PTPRD: variants seen among roughly 807,000 people sequenced by gnomAD.
The protein encoded by PTPRD is receptor-type tyrosine-protein phosphatase delta.
PTPRD carries 34 observed loss-of-function variants against 214.5 expected under a neutral mutation model. That is an observed-to-expected ratio of 0.16 (90% CI 0.12 to 0.21). The LOEUF (loss-of-function observed/expected upper bound fraction) is 0.21, where lower values mean the gene tolerates loss of function less well. PTPRD is among the 10% of genes least tolerant of loss of function. The pLI is 1.00. For synonymous variants in PTPRD, 1,128 were observed against 845.7 expected (o/e 1.33, Z -5.79); for missense variants, 2,545 against 2,398.7 (o/e 1.06, Z -1.27).
intron 7 of PTPRD, among the ~76,000 whole-genome samples, chr9:9,605,746 A>T (rs1196196471): frequency 1.3e-5 from 2 of 152,032 alleles, no homozygotes; most frequent in Non-Finnish European, 2.9e-5. Context: ...CTCCTTTAAA[A>T]TTTTCAGTTG....
At position 8,504,948 on chromosome 9, in the gene PTPRD, T is replaced by A. The variant is rs181811932; in HGVS notation, c.1678-543A>T. Among the ~76,000 whole-genome samples, 31 of 152,318 alleles carry A rather than the reference T, an allele frequency of 2.0e-4. No homozygotes were observed. The East Asian group carries it at 4.1e-3, about 20-fold the overall frequency. On this transcript the variant is annotated intron_variant, in intron 22 of 45. Coordinates refer to ENST00000381196, the MANE Select transcript of PTPRD (RefSeq NM_002839.4). ...TAAAAGAGATTTGAAATTGCCAAGT[T>A]TTAATGGGTAAAATATCACGTTAGT... is the stretch of plus-strand genomic sequence containing the variant.
intron 5 of PTPRD, among the ~76,000 whole-genome samples, chr9:9,935,650 C>T (rs991194760): frequency 6.8e-6 from 1 of 148,132 alleles, no homozygotes; most frequent in African/African-American, 2.6e-5. Flanking sequence ...GGCCATACTG[C>T]CCAAGGTAAT....
At chr9:8,792,606 A>G (rs2096272274) in intron 11 of PTPRD, among the ~76,000 whole-genome samples, 1 of 152,214 alleles carries the variant, frequency 6.6e-6, no homozygotes, top group African/African-American at 2.4e-5. Flanking sequence ...AGCTGAGAAG[A>G]GGGGCTTGTC....
intron 14 of PTPRD, among the ~76,000 whole-genome samples, chr9:8,566,122 G>GTGTGTGTC (rs1279186797): frequency 4.0e-5 from 6 of 151,498 alleles, no homozygotes; most frequent in South Asian, 2.1e-4. Flanking sequence ...GTGTGTGTGT[G>GTGTGTGTC]TGTGTGTGTG....
intron 9 of PTPRD, among the ~76,000 whole-genome samples, chr9:9,379,922 T>G (rs1596700833): frequency 6.6e-6 from 1 of 151,946 alleles, no homozygotes; most frequent in East Asian, 1.9e-4. Context: ...GTTCTAGGAG[T>G]TTTTTGATTC....
intron 3 of PTPRD, among the ~76,000 whole-genome samples, chr9:10,167,669 C>A (rs963595900): frequency 3.9e-5 from 6 of 152,162 alleles, no homozygotes; most frequent in African/African-American, 1.4e-4. Context: ...TCTTAGCATA[C>A]TTCCAAAGCC....
At chr9:10,251,312 T>C (rs1246870247) in intron 3 of PTPRD, among the ~76,000 whole-genome samples, 1 of 152,114 alleles carries the variant, frequency 6.6e-6, no homozygotes, top group African/African-American at 2.4e-5. Context: ...CATGAATCTC[T>C]ACCTTTCACA....
chr9:9,546,184 A>C (rs934315541), intron 8 of PTPRD, among the ~76,000 whole-genome samples: 1 of 151,648 alleles, frequency 6.6e-6, no homozygotes, highest in African/African-American at 2.4e-5. Context: ...CATTAATCTT[A>C]GATCCTGAAG....
chr9:8,934,918 C>A (rs746465093), intron 11 of PTPRD, among the ~76,000 whole-genome samples: 2 of 151,972 alleles, frequency 1.3e-5, no homozygotes, highest in Non-Finnish European at 2.9e-5. Flanking sequence ...CCAGTTTCAT[C>A]CATGTAGTCA....
At chr9:10,175,183 C>A (rs2099239885) in intron 3 of PTPRD, among the ~76,000 whole-genome samples, 1 of 152,076 alleles carries the variant, frequency 6.6e-6, no homozygotes, top group African/African-American at 2.4e-5. Flanking sequence ...TGCAATAGTA[C>A]TGCTACTTAC....
intron 8 of PTPRD, among the ~76,000 whole-genome samples, chr9:9,567,228 G>C (rs2084846716): frequency 6.6e-6 from 1 of 151,760 alleles, no homozygotes; most frequent in Non-Finnish European, 1.5e-5. Context: ...TTGGTCAAAG[G>C]AAAAATGCAG....
intron 39 of PTPRD, among the ~76,000 whole-genome samples, chr9:8,368,063 C>T (rs1417929875): frequency 2.0e-5 from 3 of 152,096 alleles, no homozygotes; most frequent in East Asian, 1.9e-4. Flanking sequence ...AATGCTGGCC[C>T]CTAAGAGCAG....
At chr9:8,340,777 C>T (rs147041860) in intron 41 of PTPRD, among the ~76,000 whole-genome samples, 2 of 152,178 alleles carry the variant, frequency 1.3e-5, no homozygotes, top group East Asian at 3.9e-4. Context: ...AGATGTGCAG[C>T]TTCATTTTCT....
At chr9:8,563,668 C>T (rs2087491626) in intron 14 of PTPRD, among the ~76,000 whole-genome samples, 1 of 151,678 alleles carries the variant, frequency 6.6e-6, no homozygotes, top group African/African-American at 2.4e-5. Flanking sequence ...AACTCCTGAC[C>T]TTGTGTTCCA....
chr9:10,608,615 T>A (rs1219665354), intron 2 of PTPRD, among the ~76,000 whole-genome samples: 3 of 152,124 alleles, frequency 2.0e-5, no homozygotes, highest in Non-Finnish European at 4.4e-5. Flanking sequence ...CTTGAAAGAC[T>A]TTCAAATTGC....
chr9:9,623,499 C>A lies in PTPRD; in HGVS notation c.-286-48718G>T, dbSNP rs187225114. ...GACAGGCACTCACTGACGGCTGAAC[C>A]ATTGAATCACTGGATGAATGAATGA... is the stretch of plus-strand genomic sequence containing the variant. On this transcript the variant is annotated intron_variant, in intron 7 of 45. Transcript: ENST00000381196. Among the ~76,000 whole-genome samples the A allele has an allele frequency of 9.6e-4, 146 of 152,292 alleles. 2 individuals are homozygous for A. In the Middle Eastern group the frequency reaches 0.031, roughly 32 times the overall value.
At chr9:9,959,981 C>A (rs959332308) in intron 4 of PTPRD, among the ~76,000 whole-genome samples, 1 of 151,958 alleles carries the variant, frequency 6.6e-6, no homozygotes, top group Non-Finnish European at 1.5e-5. Flanking sequence ...CTCTGTCTGC[C>A]TAGAGGGCCT....
At chr9:8,545,023 C>T (rs1418113472) in intron 14 of PTPRD, among the ~76,000 whole-genome samples, 1 of 151,090 alleles carries the variant, frequency 6.6e-6, no homozygotes, top group Admixed American at 6.6e-5. Context: ...ATTCACTTTC[C>T]TGGTGCTTCT....
At chr9:8,973,820 G>C (rs1171588350) in intron 11 of PTPRD, among the ~76,000 whole-genome samples, 2 of 152,104 alleles carry the variant, frequency 1.3e-5, no homozygotes, top group African/African-American at 4.8e-5. Context: ...GATTAGTGAT[G>C]TAGAGCATTT....
Sources: gnomAD v4.1 joint callset for allele counts (sites outside exome capture counted in the v4.1 genomes callset) on GRCh38, gnomAD v4.1.1 for gene constraint, MANE v1.5 for transcripts, NCBI Gene and HGNC (gene_info 2026-07-23, HGNC 2026-07-21) for gene names.